Variants in ZMAT4 observed in about 807,000 individuals in gnomAD.
ZMAT4 encodes zinc finger matrin-type protein 4.
ZMAT4 carries 17 observed loss-of-function variants against 28.7 expected under a neutral mutation model. That is an observed-to-expected ratio of 0.59 (90% confidence interval 0.41 to 0.89). ZMAT4 has a LOEUF of 0.89. Among genes scored for constraint, ZMAT4 ranks in the 40% least tolerant of loss-of-function variants. The probability of loss-of-function intolerance (pLI) is 0.00; values close to 1 mark genes in which losing one functional copy is unlikely to be tolerated. For missense variants in ZMAT4, 240 were observed against 283.8 expected (o/e 0.85, Z 1.11); for synonymous variants, 117 against 109.2 (o/e 1.07, Z -0.44).
intron 5 of ZMAT4, among the ~76,000 whole-genome samples, chr8:40,603,110 A>C (rs1483290908): frequency 6.6e-6 from 1 of 152,180 alleles, no homozygotes; most frequent in Non-Finnish European, 1.5e-5. Flanking sequence ...AAATTGTGAG[A>C]GATGAGGATC....
chr8:40,668,548 A>T (rs1440020988), intron 5 of ZMAT4, among the ~76,000 whole-genome samples: 3 of 152,074 alleles, frequency 2.0e-5, no homozygotes, highest in African/African-American at 4.8e-5. Context: ...TGCAGAAAAA[A>T]TTGCCCTATT....
intron 1 of ZMAT4, among the ~76,000 whole-genome samples, chr8:40,885,312 C>A (rs1000360083): frequency 6.6e-6 from 1 of 152,128 alleles, no homozygotes; most frequent in Non-Finnish European, 1.5e-5. Flanking sequence ...CACCTTCAAC[C>A]CATCAGCAAA....
At chr8:40,778,024 C>T (rs1813677061) in intron 2 of ZMAT4, among the ~76,000 whole-genome samples, 1 of 152,216 alleles carries the variant, frequency 6.6e-6, no homozygotes, top group Admixed American at 6.5e-5. Flanking sequence ...GGCTGTTGCT[C>T]TTTAAATACT....
At chr8:40,855,065 A>G (rs1461260440) in intron 1 of ZMAT4, among the ~76,000 whole-genome samples, 3 of 152,186 alleles carry the variant, frequency 2.0e-5, no homozygotes, top group Non-Finnish European at 4.4e-5. Flanking sequence ...TGAAACTCCC[A>G]CAGCTAATTT....
At chr8:40,690,005 T>A (rs535752970) in intron 4 of ZMAT4, among the ~76,000 whole-genome samples, 17 of 152,262 alleles carry the variant, frequency 1.1e-4, no homozygotes, top group Middle Eastern at 3.4e-3. Context: ...TCTTTAGTTT[T>A]ATCCAATCAC....
At chr8:40,607,490 C>T (rs1171165550) in intron 5 of ZMAT4, among the ~76,000 whole-genome samples, 7 of 151,982 alleles carry the variant, frequency 4.6e-5, no homozygotes, top group African/African-American at 1.7e-4. Context: ...TCTCTGGTGC[C>T]TCCCTGAGTA....
intron 5 of ZMAT4, among the ~76,000 whole-genome samples, chr8:40,603,831 T>C (rs2589886): frequency 0.98 from 149,585 of 152,226 alleles, 73,564 homozygotes; most frequent in Middle Eastern, 1. Context: ...GGGGTTTTAC[T>C]GTGTTAGCCA....
chr8:40,570,410 C>A (rs62505434), intron 6 of ZMAT4, among the ~76,000 whole-genome samples: 2 of 152,066 alleles, frequency 1.3e-5, no homozygotes, highest in Admixed American at 6.6e-5. Context: ...TTAAAAGTAA[C>A]TTGTGGGGCC....
chr8:40,752,466 T>C (rs1046097376), intron 3 of ZMAT4, among the ~76,000 whole-genome samples: 1 of 152,164 alleles, frequency 6.6e-6, no homozygotes, highest in African/African-American at 2.4e-5. Context: ...GCAACTTCAC[T>C]CCTGCTCCAC....
intron 3 of ZMAT4, among the ~76,000 whole-genome samples, chr8:40,743,248 G>T (rs1055369956): frequency 6.6e-6 from 1 of 152,196 alleles, no homozygotes. Flanking sequence ...TACTCAGGAA[G>T]AATTTAGGGC....
At chr8:40,634,197 G>T (rs1395498619) in intron 5 of ZMAT4, among the ~76,000 whole-genome samples, 2 of 152,226 alleles carry the variant, frequency 1.3e-5, no homozygotes, top group African/African-American at 4.8e-5. Flanking sequence ...ATATCTGGGA[G>T]ATGGAGAATT....
At chr8:40,533,235 C>T (rs773872792) in intron 6 of ZMAT4, among the ~76,000 whole-genome samples, 4 of 152,102 alleles carry the variant, frequency 2.6e-5, no homozygotes, top group Non-Finnish European at 5.9e-5. Flanking sequence ...TTTCACTTGG[C>T]TAAATTAATG....
chr8:40,559,443 A>C (rs1401099439), intron 6 of ZMAT4, among the ~76,000 whole-genome samples: 1 of 151,742 alleles, frequency 6.6e-6, no homozygotes, highest in Non-Finnish European at 1.5e-5. Context: ...ACATAACCTA[A>C]CCCCTTCATG....
At chr8:40,621,279 G>A (rs1806188438) in intron 5 of ZMAT4, among the ~76,000 whole-genome samples, 1 of 152,194 alleles carries the variant, frequency 6.6e-6, no homozygotes, top group South Asian at 2.1e-4. Context: ...GTGGGCAGAT[G>A]GGAAGATGTT....
intron 5 of ZMAT4, among the ~76,000 whole-genome samples, chr8:40,628,281 G>C (rs979888198): frequency 1.3e-5 from 2 of 152,140 alleles, no homozygotes; most frequent in Admixed American, 6.5e-5. Context: ...ACAGGAAAGC[G>C]TTAAGACGGT....
chr8:40,855,914 C>A (rs1360891186), intron 1 of ZMAT4, among the ~76,000 whole-genome samples: 1 of 151,806 alleles, frequency 6.6e-6, no homozygotes, highest in African/African-American at 2.4e-5. Context: ...TGGTCTCCAA[C>A]TCCTGAGCTC....
Position 40,892,129 on chromosome 8 carries a change from C to T in ZMAT4, c.-5+5554G>A, listed in dbSNP as rs997016601. Among the ~76,000 whole-genome samples the T allele has an allele frequency of 4.6e-5, 7 of 152,178 alleles. No individual in the cohort carries two copies. The South Asian group carries it at 8.3e-4, about 18-fold the overall frequency. On this transcript the variant is annotated intron_variant, in intron 1 of 6. Coordinates refer to ENST00000297737, the MANE Select transcript of ZMAT4 (RefSeq NM_024645.3). ...CGCCCTCACATGGTATGTTTCATCCCGTTCCGTAAGGTAACAGGTGATGTG... is the reference window on the plus strand; with the variant it reads ...CGCCCTCACATGGTATGTTTCATCCTGTTCCGTAAGGTAACAGGTGATGTG...
At chr8:40,795,340 C>T (rs112162436) in intron 2 of ZMAT4, among the ~76,000 whole-genome samples, 19 of 152,296 alleles carry the variant, frequency 1.2e-4, no homozygotes, top group African/African-American at 4.6e-4. Context: ...ACAAACCTCA[C>T]GAGGTCTGTC....
intron 5 of ZMAT4, among the ~76,000 whole-genome samples, chr8:40,584,465 G>A (rs1189799445): frequency 6.6e-6 from 1 of 151,986 alleles, no homozygotes; most frequent in East Asian, 1.9e-4. Flanking sequence ...CTCTATCATG[G>A]ATGTATTAAT....
Sources: gnomAD v4.1 joint callset for allele counts (sites outside exome capture counted in the v4.1 genomes callset) on GRCh38, gnomAD v4.1.1 for gene constraint, MANE v1.5 for transcripts, NCBI Gene and HGNC (gene_info 2026-07-23, HGNC 2026-07-21) for gene names.